The following ABLIM1 variants were observed in gnomAD, a reference collection of about 807,000 sequenced individuals.
ABLIM1 encodes actin-binding LIM protein 1.
ABLIM1 carries 40 observed loss-of-function variants against 107.0 expected under a neutral mutation model. The ratio of observed to expected loss-of-function variants is 0.37; its 90% CI spans 0.29 to 0.49. The LOEUF is 0.49. ABLIM1 is among the 20% of genes least tolerant of loss of function. The pLI is 0.97. For synonymous variants in ABLIM1, 357 were observed against 357.3 expected (o/e 1.00, Z 0.01); for missense variants, 857 against 1,008.5 (o/e 0.85, Z 2.04).
Position 114,434,627 on chromosome 10 carries a change from T to C in ABLIM1, c.*1633A>G, listed in dbSNP as rs1289503047. 1 of 152,218 alleles carries C rather than the reference T, an allele frequency of 6.6e-6. No individual in the cohort carries two copies. Among genetic ancestry groups the C allele is most frequent in the Non-Finnish European group, 1.5e-5 (1 of 68,046 alleles). 9.4% of individuals were successfully genotyped at this position (152,218 alleles called of 1,614,324 possible). ...AAATTCAAATGTTTTCTTCTTCGGC[T>C]TTAAAACAGAGCTTAAATTCTTAAG... On this transcript the variant is annotated 3_prime_UTR_variant, in exon 23 of 23. Transcript: ENST00000533213.
intron 1 of ABLIM1, chr10:114,632,033 C>T (rs2078216745): frequency 7.9e-7 from 1 of 1,273,016 alleles, no homozygotes; most frequent in Admixed American, 2.5e-5. Context: ...GGAGAAGCCC[C>T]GGCATCCGCT....
intron 8 of ABLIM1, among the ~76,000 whole-genome samples, chr10:114,481,482 C>T (rs1009646890): frequency 1.3e-5 from 2 of 151,746 alleles, no homozygotes; most frequent in African/African-American, 4.8e-5. Context: ...ACAGTACCTG[C>T]CTTGGGTTTT....
intron 1 of ABLIM1, among the ~76,000 whole-genome samples, chr10:114,666,517 A>G (rs575081312): frequency 6.6e-5 from 10 of 152,294 alleles, no homozygotes; most frequent in Non-Finnish European, 1.3e-4. Context: ...AGTTAAAAGT[A>G]AAAAAACAAA....
chr10:114,460,982 C>G (rs1403963813), intron 12 of ABLIM1, among the ~76,000 whole-genome samples: 2 of 152,124 alleles, frequency 1.3e-5, no homozygotes, highest in Non-Finnish European at 2.9e-5. Flanking sequence ...CATATAATAG[C>G]CAAGTGAGGA....
chr10:114,540,535 G>A (rs1004422146), intron 6 of ABLIM1, among the ~76,000 whole-genome samples: 11 of 152,242 alleles, frequency 7.2e-5, no homozygotes, highest in Admixed American at 2.0e-4. Context: ...GAGAGAACTC[G>A]AGGGCTGCTG....
chr10:114,541,899 A>AACACACAC (rs66907896), intron 6 of ABLIM1, among the ~76,000 whole-genome samples: 3 of 150,478 alleles, frequency 2.0e-5, no homozygotes, highest in African/African-American at 7.4e-5. Flanking sequence ...GAAGGGAATC[A>AACACACAC]ACACACACAC....
intron 6 of ABLIM1, among the ~76,000 whole-genome samples, chr10:114,499,510 TG>T (rs1457546047): frequency 4.6e-4 from 70 of 152,368 alleles, no homozygotes; most frequent in African/African-American, 1.6e-3. Context: ...TAGAGGCTGG[TG>T]GGTTGCTTTA....
At chr10:114,597,009 AATG>A (rs2075478181) in intron 2 of ABLIM1, among the ~76,000 whole-genome samples, 1 of 152,162 alleles carries the variant, frequency 6.6e-6, no homozygotes, top group African/African-American at 2.4e-5. Flanking sequence ...TCAGAACTGG[AATG>A]TGCCTCCTGT....
intron 4 of ABLIM1, among the ~76,000 whole-genome samples, chr10:114,554,481 G>A (rs1049387184): frequency 6.6e-6 from 1 of 152,190 alleles, no homozygotes; most frequent in Non-Finnish European, 1.5e-5. Context: ...ATCATAGCTT[G>A]AGGCTATGAA....
In ABLIM1 at chr10:114,722,375, C is replaced by G. The variant is rs539876575; in HGVS notation, c.-213+45686G>C. Among the ~76,000 whole-genome samples the G allele has an allele frequency of 2.4e-3, 358 of 152,306 alleles. 2 individuals are homozygous for G. The highest frequency in any genetic ancestry group is 4.4e-3 in the Non-Finnish European group (296 of 68,028). On this transcript the variant is annotated intron_variant, in intron 1 of 15. Coordinates refer to the ABLIM1 transcript ENST00000651092. ...GAGAACTCACTCACTATCACGAGAA[C>G]AGCCAGGAAGAAATCTGCCCCCATG...
intron 1 of ABLIM1, among the ~76,000 whole-genome samples, chr10:114,609,889 C>T (rs889819142): frequency 1.3e-5 from 2 of 152,162 alleles, no homozygotes; most frequent in African/African-American, 4.8e-5. Flanking sequence ...TTGCACAATT[C>T]CTGTTTTGCA....
chr10:114,571,233 C>T (rs2071634545), intron 4 of ABLIM1, 64 bp downstream of exon 4: 3 of 1,409,552 alleles, frequency 2.1e-6, no homozygotes, highest in Non-Finnish European at 2.0e-6. Flanking sequence ...AAAAGGAAGG[C>T]ACCTGCCTGA....
chr10:114,649,921 T>C (rs2079168794), intron 1 of ABLIM1, among the ~76,000 whole-genome samples: 3 of 151,866 alleles, frequency 2.0e-5, no homozygotes, highest in Admixed American at 2.0e-4. Context: ...AGTAGTGCTA[T>C]CTCGGCTCAC....
chr10:114,752,488 A>G (rs1225477958), intron 1 of ABLIM1, among the ~76,000 whole-genome samples: 1 of 152,078 alleles, frequency 6.6e-6, no homozygotes, highest in Non-Finnish European at 1.5e-5. Flanking sequence ...GGTTTGTTAC[A>G]TAGGTAAACG....
intron 5 of ABLIM1, among the ~76,000 whole-genome samples, chr10:114,546,900 A>G (rs1264203408): frequency 6.7e-6 from 1 of 150,214 alleles, no homozygotes; most frequent in Non-Finnish European, 1.5e-5. Flanking sequence ...CCCACCTCAG[A>G]CTCACAAGTA....
intron 6 of ABLIM1, among the ~76,000 whole-genome samples, chr10:114,534,504 G>C (rs1054462625): frequency 6.6e-6 from 1 of 151,464 alleles, no homozygotes; most frequent in Non-Finnish European, 1.5e-5. Context: ...GAGGCGGGGT[G>C]GGGGTGGGGG....
intron 6 of ABLIM1, among the ~76,000 whole-genome samples, chr10:114,525,273 T>A (rs1308178049): frequency 1.3e-5 from 2 of 152,202 alleles, no homozygotes; most frequent in Admixed American, 1.3e-4. Flanking sequence ...CTCCAGAAAG[T>A]CAGGTTACAA....
intron 4 of ABLIM1, among the ~76,000 whole-genome samples, chr10:114,564,093 A>G (rs2070264747): frequency 6.6e-6 from 1 of 151,194 alleles, no homozygotes; most frequent in African/African-American, 2.4e-5. Flanking sequence ...GTCTTTCTAG[A>G]ACATTGTTTT....
chr10:114,485,322 C>A (rs12261639), intron 8 of ABLIM1: 3 of 1,612,592 alleles, frequency 1.9e-6, no homozygotes, highest in East Asian at 2.2e-5. Flanking sequence ...CCGTCCTGTG[C>A]GTCGAATCAG....
Sources: gnomAD v4.1 joint callset for allele counts (sites outside exome capture counted in the v4.1 genomes callset) on GRCh38, gnomAD v4.1.1 for gene constraint, MANE v1.5 for transcripts, NCBI Gene and HGNC (gene_info 2026-07-23, HGNC 2026-07-21) for gene names.